SMAD3: variants seen among roughly 807,000 people sequenced by gnomAD.
SMAD3 encodes SMAD family member 3.
A neutral mutation model predicts 51.8 loss-of-function variants in SMAD3; 12 were observed. That is an observed-to-expected ratio of 0.23 (90% CI 0.15 to 0.38). The LOEUF (loss-of-function observed/expected upper bound fraction) is 0.38, where lower values mean the gene tolerates loss of function less well. Ranked by LOEUF, SMAD3 falls within the 10% of genes least tolerant of loss-of-function variation. SMAD3 has a pLI of 1.00. For synonymous variants in SMAD3, 238 were observed against 227.7 expected, an observed-to-expected ratio of 1.05 and a Z score of -0.41; for missense variants, 294 against 565.6, an observed-to-expected ratio of 0.52 and a Z score of 4.87.
At chr15:67,139,668 C>T (rs761068804) in intron 1 of SMAD3, among the ~76,000 whole-genome samples, 6 of 152,052 alleles carry the variant, frequency 3.9e-5, no homozygotes, top group East Asian at 1.9e-4. Flanking sequence ...AAGCCAGGTA[C>T]GATTCCAGCT....
intron 1 of SMAD3, among the ~76,000 whole-genome samples, chr15:67,131,448 G>A (rs1961522702): frequency 6.6e-6 from 1 of 152,200 alleles, no homozygotes; most frequent in African/African-American, 2.4e-5. Context: ...TTCATTTTGA[G>A]TGTGTTTGTT....
At chr15:67,101,852 C>T (rs1230377626) in intron 1 of SMAD3, among the ~76,000 whole-genome samples, 1 of 152,170 alleles carries the variant, frequency 6.6e-6, no homozygotes, top group Non-Finnish European at 1.5e-5. Flanking sequence ...CGTTAAAGTG[C>T]TTTGTTAGCT....
intron 1 of SMAD3, chr15:67,138,294 A>G (rs1364361536): frequency 3.1e-5 from 17 of 546,524 alleles, no homozygotes; most frequent in Non-Finnish European, 5.6e-5. Flanking sequence ...GGCGTCGCTC[A>G]GGGCCCTCTG....
chr15:67,143,265 A>G (rs1333154745), intron 1 of SMAD3, among the ~76,000 whole-genome samples: 1 of 152,208 alleles, frequency 6.6e-6, no homozygotes, highest in Non-Finnish European at 1.5e-5. Context: ...TAGTGTACAT[A>G]TTTGTCACAC....
chr15:67,166,736 C>T, intron 3 of SMAD3, 43 bp from the exon 4 acceptor site: 1 of 1,361,048 alleles, frequency 7.3e-7, no homozygotes, highest in Non-Finnish European at 1.0e-6. Context: ...CAGAGCCAAG[C>T]TGTGAAGGCC....
At chr15:67,070,050 T>C (rs1363923549) in intron 1 of SMAD3, among the ~76,000 whole-genome samples, 2 of 152,204 alleles carry the variant, frequency 1.3e-5, no homozygotes, top group Non-Finnish European at 2.9e-5. Flanking sequence ...TCCTTGACTT[T>C]TGCCAGGGTA....
chr15:67,075,329 C>T (rs1960144991), intron 1 of SMAD3, among the ~76,000 whole-genome samples: 2 of 152,192 alleles, frequency 1.3e-5, no homozygotes, highest in Non-Finnish European at 2.9e-5. Flanking sequence ...TTTCTCCCAG[C>T]CCATGGGAAG....
At chr15:67,154,793 A>G (rs1962239120) in intron 1 of SMAD3, among the ~76,000 whole-genome samples, 1 of 152,222 alleles carries the variant, frequency 6.6e-6, no homozygotes, top group African/African-American at 2.4e-5. Flanking sequence ...AACCAGAGTC[A>G]ACAACTGCTC....
At chr15:67,156,960 A>T (rs559688928) in intron 1 of SMAD3, among the ~76,000 whole-genome samples, 5 of 152,346 alleles carry the variant, frequency 3.3e-5, no homozygotes, top group African/African-American at 1.2e-4. Context: ...AAGAAAATAC[A>T]TGCCACTCAT....
chr15:67,088,442 A>G (rs1241762986), intron 1 of SMAD3, among the ~76,000 whole-genome samples: 2 of 152,158 alleles, frequency 1.3e-5, no homozygotes, highest in Non-Finnish European at 2.9e-5. Flanking sequence ...GAAGCGGGGG[A>G]GGCAGGCGAG....
At chr15:67,129,625 C>T (rs564709755) in intron 1 of SMAD3, among the ~76,000 whole-genome samples, 1 of 152,252 alleles carries the variant, frequency 6.6e-6, no homozygotes, top group African/African-American at 2.4e-5. Context: ...GGTCTTGGAA[C>T]GTATTCCCCT....
At position 67,137,355 on chromosome 15, in the gene SMAD3, C is replaced by T. The variant is rs527254761; in HGVS notation, c.207-27540C>T. Reference sequence around the variant, plus strand: ...TGTTCCTTCATAAGTTCTTCCTTTTCGCTTTTTTAAACTGAAATTATTTTC... The same window carrying T: ...TGTTCCTTCATAAGTTCTTCCTTTTTGCTTTTTTAAACTGAAATTATTTTC... On this transcript the variant is annotated intron_variant, in intron 1 of 8. Coordinates refer to ENST00000327367, the MANE Select transcript of SMAD3 (RefSeq NM_005902.4). Among the ~76,000 whole-genome samples, 8 of 152,266 alleles carry T rather than the reference C, an allele frequency of 5.3e-5. No homozygotes were observed. The South Asian group carries it at 1.0e-3, about 20-fold the overall frequency.
intron 1 of SMAD3, chr15:67,126,122 C>T (rs1165895070): frequency 3.5e-6 from 1 of 282,200 alleles, no homozygotes. Context: ...CTGGGTTCAT[C>T]TTACCAGCAG....
intron 1 of SMAD3, among the ~76,000 whole-genome samples, chr15:67,082,663 C>T (rs763660668): frequency 1.2e-4 from 18 of 152,176 alleles, no homozygotes; most frequent in Non-Finnish European, 1.8e-4. Flanking sequence ...GTTTTGCCGT[C>T]GTCGGACGGA....
rs553705278 is a variant in SMAD3 at position 67,098,772 on chromosome 15, G to A, written c.206+32412G>A. The stretch of plus-strand genomic sequence containing the variant: ...AGGCCTCCACAGCCCCCGGAAGGCA[G>A]GTGGAAGTGGGCATGGAGGGTCCTA... On this transcript the variant is annotated intron_variant, in intron 1 of 8. Transcript: ENST00000327367. 3.2e-4 allele frequency: 209 copies of A among 650,048 alleles called. 3 individuals carry two copies. The highest frequency in any genetic ancestry group is 2.0e-3 in the Middle Eastern group (5 of 2,492). The allele number at this position is 650,048 out of a possible 1,614,324, so 40.3% of individuals were successfully genotyped here. A position where few individuals can be genotyped will look rare whatever the true frequency, so the allele number is the denominator to read the frequency against.
chr15:67,186,093 A>G (rs1469010446), intron 7 of SMAD3, among the ~76,000 whole-genome samples: 3 of 152,220 alleles, frequency 2.0e-5, no homozygotes, highest in African/African-American at 7.2e-5. Flanking sequence ...CTGGCTCTAT[A>G]AGTAAGGAGA....
intron 1 of SMAD3, among the ~76,000 whole-genome samples, chr15:67,075,443 G>T (rs775966645): frequency 6.6e-6 from 1 of 152,194 alleles, no homozygotes; most frequent in Non-Finnish European, 1.5e-5. Context: ...GAGCAGGAGA[G>T]GGGGAGGACA....
Position 67,190,612 on chromosome 15 carries a change from C to T in SMAD3, c.*76C>T. 1.4e-6 allele frequency: 2 copies of T among 1,464,206 alleles called. No individual in the cohort carries two copies. The highest frequency in any genetic ancestry group is 1.9e-6 in the Non-Finnish European group (2 of 1,047,638). 90.7% of individuals were successfully genotyped at this position (1,464,206 alleles called of 1,614,324 possible). A position where few individuals can be genotyped will look rare whatever the true frequency, so the allele number is the denominator to read the frequency against. On this transcript the variant is annotated 3_prime_UTR_variant, in exon 9 of 9. Coordinates refer to ENST00000327367, the MANE Select transcript of SMAD3 (RefSeq NM_005902.4). ...GGAGGTGGAGAAAATTGGAACTCTA[C>T]TCAACCCATTGTTGTCAAGGAAGAA...
intron 1 of SMAD3, among the ~76,000 whole-genome samples, chr15:67,073,836 G>T (rs1379907420): frequency 6.6e-6 from 1 of 152,130 alleles, no homozygotes; most frequent in African/African-American, 2.4e-5. Flanking sequence ...CACCACACCC[G>T]GCTAATTTTG....
Sources: allele counts gnomAD v4.1 joint callset (sites outside exome capture counted in the v4.1 genomes callset), GRCh38; gene constraint gnomAD v4.1.1; transcripts MANE v1.5; gene names NCBI Gene and HGNC (gene_info 2026-07-23, HGNC 2026-07-21).